Variants in ASXL1 observed in about 807,000 individuals in gnomAD.
ASXL1 encodes ASXL transcriptional regulator 1, also known as polycomb group protein ASXL1.
Under a neutral mutation model 89.1 loss-of-function variants are expected in ASXL1, and 65 were observed. That is an observed-to-expected ratio of 0.73 (90% CI 0.60 to 0.90). The LOEUF (loss-of-function observed/expected upper bound fraction) is 0.90, where lower values mean the gene tolerates loss of function less well. ASXL1 is among the 40% of genes least tolerant of loss of function. The pLI is 0.00. For synonymous variants in ASXL1, 739 were observed against 746.9 expected (o/e 0.99, Z 0.17); for missense variants, 1,786 against 1,942.9 (o/e 0.92, Z 1.52).
chr20:32,430,167 G>A (rs2011474977), intron 8 of ASXL1, 114 bp downstream of exon 8: 1 of 1,355,098 alleles, frequency 7.4e-7, no homozygotes, highest in East Asian at 2.6e-5. Flanking sequence ...CTTCTTGGGT[G>A]GCCCTCTATT....
At chr20:32,375,915 C>G (rs893408759) in intron 4 of ASXL1, among the ~76,000 whole-genome samples, 1 of 152,048 alleles carries the variant, frequency 6.6e-6, no homozygotes, top group Non-Finnish European at 1.5e-5. Context: ...CTCCTGGACT[C>G]GAAGCAATCC....
At chr20:32,392,642 G>A (rs1431282403) in intron 4 of ASXL1, among the ~76,000 whole-genome samples, 1 of 151,340 alleles carries the variant, frequency 6.6e-6, no homozygotes, top group African/African-American at 2.4e-5. Flanking sequence ...TTCTAAGATA[G>A]ACATTTAATG....
At chr20:32,363,435 G>A (rs1166780224) in intron 1 of ASXL1, among the ~76,000 whole-genome samples, 1 of 152,182 alleles carries the variant, frequency 6.6e-6, no homozygotes, top group African/African-American at 2.4e-5. Context: ...GGTGGATAAG[G>A]TTTGCCCCTC....
intron 4 of ASXL1, among the ~76,000 whole-genome samples, chr20:32,382,629 A>C (rs1448818395): frequency 1.4e-5 from 2 of 146,756 alleles, no homozygotes; most frequent in Non-Finnish European, 3.0e-5. Flanking sequence ...AAAAAAAAAC[A>C]AAACCTGTTA....
chr20:32,376,383 T>A (rs1232408789), intron 4 of ASXL1, among the ~76,000 whole-genome samples: 2 of 152,138 alleles, frequency 1.3e-5, no homozygotes, highest in African/African-American at 4.8e-5. Context: ...GAAGTGATCC[T>A]CCTGCCTCAG....
chr20:32,402,065 A>G (rs2048884669), intron 4 of ASXL1, among the ~76,000 whole-genome samples: 1 of 152,220 alleles, frequency 6.6e-6, no homozygotes, highest in Non-Finnish European at 1.5e-5. Flanking sequence ...AGAATCATAT[A>G]ATATGTTACC....
intron 4 of ASXL1, among the ~76,000 whole-genome samples, chr20:32,389,595 T>C (rs1398310584): frequency 1.3e-5 from 2 of 152,222 alleles, no homozygotes; most frequent in African/African-American, 4.8e-5. Flanking sequence ...CCCGCCTTTT[T>C]CTTTTTCTGA....
At chr20:32,427,032 C>CTT (rs2011332552) in intron 4 of ASXL1, 4 of 152,118 alleles carry the variant, frequency 2.6e-5, no homozygotes, top group Admixed American at 2.6e-4. Flanking sequence ...TTTATCAACT[C>CTT]TTTTTCACAT....
rs2011885517 is a variant in ASXL1, at chr20:32,436,454, G to A, written c.3742G>A (p.Ala1248Thr). 6.2e-7 allele frequency: 1 copy of A among 1,613,968 alleles called. No homozygotes were observed. The highest frequency in any genetic ancestry group is 1.3e-5 in the African/African-American group (1 of 74,926). ...TTGTGAAGATCAGAAGGAAGTCCGT[G>A]CTATGTCACAGGACAGTAATTCAAA... ...FSCEDQKEVRAMSQDSNSNAA... is the reference protein window; with the variant it reads ...FSCEDQKEVRTMSQDSNSNAA... The change falls in exon 13 of 13, where the codon GCT (alanine) becomes ACT (threonine). Residue 1248 changes from alanine (A) to threonine (T), a missense_variant. Coordinates refer to ENST00000375687, the MANE Select transcript of ASXL1 (RefSeq NM_015338.6).
rs781544629 is a variant in ASXL1, at chr20:32,435,820, T to C, written c.3108T>C (p.Asn1036=). The C allele has an allele frequency of 9.3e-6, 15 of 1,613,982 alleles. No homozygotes were observed. The highest frequency in any genetic ancestry group is 1.3e-5 in the African/African-American group (1 of 74,872). ...CGGTGGACAAGGATGAGAAACCCAA[T>C]TGGAACCAATCTGCCCCACTGTCCA... is the stretch of plus-strand genomic sequence containing the variant. ...GSSVDKDEKP[N]WNQSAPLSKV... The change falls in exon 13 of 13, where the codon AAT becomes AAC. Residue 1036 remains asparagine (N), a synonymous_variant. Coordinates refer to ENST00000375687, the MANE Select transcript of ASXL1 (RefSeq NM_015338.6).
chr20:32,400,828 A>C (rs1409337537), intron 4 of ASXL1, among the ~76,000 whole-genome samples: 1 of 152,192 alleles, frequency 6.6e-6, no homozygotes, highest in South Asian at 2.1e-4. Flanking sequence ...TTTGGCCATC[A>C]TAGGACTCAT....
intron 4 of ASXL1, among the ~76,000 whole-genome samples, chr20:32,379,360 TTTA>T (rs761874161): frequency 4.4e-4 from 28 of 63,920 alleles, no homozygotes; most frequent in Non-Finnish European, 7.9e-4. Context: ...AATTTATTTA[TTTA>T]TTATTATTAT....
In ASXL1 at chr20:32,434,790, G is replaced by T; in HGVS notation, c.2078G>T (p.Arg693Leu). 6.2e-7 allele frequency: 1 copy of T among 1,613,932 alleles called. No homozygotes were observed. The highest frequency in any genetic ancestry group is 2.2e-5 in the East Asian group (1 of 44,880). ...TPGKCTSDLQ[R>L]TQLLPPYPLN... Reference sequence around the variant, plus strand: ...GGAAAGTGTACGTCAGATCTACAGCGAACACAACTACTGCCGCCTTATCCT... The same window carrying T: ...GGAAAGTGTACGTCAGATCTACAGCTAACACAACTACTGCCGCCTTATCCT... The change falls in exon 13 of 13, where the codon CGA (arginine) becomes CTA (leucine). Residue 693 changes from arginine (R) to leucine (L), a missense_variant. By Grantham distance (102) the Arg-to-Leu change is moderately radical. Transcript: ENST00000375687.
In ASXL1 at chr20:32,434,638, AGGGGG is replaced by A; in HGVS notation, c.1930_1934del (p.Gly644TrpfsTer12). ...GAGAGGCGGCCACCACTGCCATCGG[AGGGGG>A]GGGTGGCCCGGGTGGAGGTGGCGGC... is the stretch of plus-strand genomic sequence containing the variant. On this transcript the variant is annotated frameshift_variant, in exon 13 of 13. Coordinates refer to ENST00000375687, the MANE Select transcript of ASXL1 (RefSeq NM_015338.6). LOFTEE classifies it low-confidence loss of function (END_TRUNC). 6.2e-7 allele frequency: 1 copy of A among 1,602,868 alleles called. No homozygotes were observed. Among genetic ancestry groups the A allele is most frequent in the Non-Finnish European group, 8.5e-7 (1 of 1,174,538 alleles).
chr20:32,383,149 G>C (rs751715947), intron 4 of ASXL1, among the ~76,000 whole-genome samples: 4 of 152,036 alleles, frequency 2.6e-5, no homozygotes, highest in African/African-American at 9.7e-5. Context: ...GAAGGATCTT[G>C]TAAGTTCCTT....
At chr20:32,395,485 TTG>T (rs1420381546) in intron 4 of ASXL1, among the ~76,000 whole-genome samples, 2 of 152,212 alleles carry the variant, frequency 1.3e-5, no homozygotes, top group Non-Finnish European at 2.9e-5. Flanking sequence ...ATTATATACT[TTG>T]TTGTAGTTTG....
At position 32,437,208 on chromosome 20, in the gene ASXL1, T is replaced by C. The variant is rs1410601864; in HGVS notation, c.4496T>C (p.Val1499Ala). ...CAAATGTTCACTGACAGCAGCACGGTGGAAAGCATCTCGCTCCAGTGTGCG... is the reference window on the plus strand; with the variant it reads ...CAAATGTTCACTGACAGCAGCACGGCGGAAAGCATCTCGCTCCAGTGTGCG... ...SLQMFTDSST[V>A]ESISLQCACS... The change falls in exon 13 of 13, where the codon GTG (valine) becomes GCG (alanine). Residue 1499 changes from valine to alanine, a missense_variant. Val to Ala is a moderately conservative substitution (Grantham distance 64, BLOSUM62 0). This residue lies in a region of ASXL1 where 36 missense variants were observed against 65.5 expected (regional missense o/e 0.55). Transcript: ENST00000375687. 1 of 1,613,384 alleles carries C rather than the reference T, an allele frequency of 6.2e-7. No individual in the cohort carries two copies. Among genetic ancestry groups the C allele is most frequent in the Non-Finnish European group, 8.5e-7 (1 of 1,179,490 alleles).
intron 10 of ASXL1, among the ~76,000 whole-genome samples, chr20:32,432,070 A>G (rs1446046537): frequency 2.6e-5 from 4 of 152,074 alleles, no homozygotes; most frequent in African/African-American, 9.7e-5. Context: ...CTATTAATTT[A>G]ATTTTGTGGG....
At chr20:32,364,632 C>A (rs1203334109) in intron 1 of ASXL1, among the ~76,000 whole-genome samples, 1 of 152,208 alleles carries the variant, frequency 6.6e-6, no homozygotes, top group Non-Finnish European at 1.5e-5. Context: ...AGCTCCTGAG[C>A]GCAGCAAGTG....
Sources: gnomAD v4.1 joint callset for allele counts (sites outside exome capture counted in the v4.1 genomes callset) on GRCh38, gnomAD v4.1.1 for gene constraint, gnomAD v4.1.1 regional missense constraint, MANE v1.5 for transcripts, NCBI Gene and HGNC (gene_info 2026-07-23, HGNC 2026-07-21) for gene names.